The following MCTP2 variants were observed in gnomAD, a reference collection of about 807,000 sequenced individuals.
The protein encoded by MCTP2 is multiple C2 and transmembrane domain-containing protein 2.
Under a neutral mutation model 111.6 loss-of-function variants are expected in MCTP2, and 132 were observed. That is an observed-to-expected ratio of 1.18 (90% confidence interval 1.03 to 1.37). MCTP2 has a LOEUF of 1.37. MCTP2 is among the 40% of genes most tolerant of loss of function. MCTP2 has a pLI of 0.00. For missense variants in MCTP2, 1,183 were observed against 1,067.9 expected (o/e 1.11, Z -1.50); for synonymous variants, 395 against 387.7 (o/e 1.02, Z -0.22).
At chr15:94,353,310 G>A (rs973848962) in intron 8 of MCTP2, among the ~76,000 whole-genome samples, 8 of 152,158 alleles carry the variant, frequency 5.3e-5, no homozygotes, top group Admixed American at 2.0e-4. Flanking sequence ...CTCCAGCCAA[G>A]TCGCGCCTGC....
intron 4 of MCTP2, among the ~76,000 whole-genome samples, chr15:94,333,614 G>A (rs2077227339): frequency 1.3e-5 from 2 of 152,106 alleles, no homozygotes. Flanking sequence ...GGTGGTAAGA[G>A]TTCCTAAAAA....
chr15:94,334,117 C>T (rs936212993), intron 4 of MCTP2, among the ~76,000 whole-genome samples: 1 of 152,156 alleles, frequency 6.6e-6, no homozygotes, highest in Non-Finnish European at 1.5e-5. Flanking sequence ...AGTAGTGATA[C>T]TAAACATAGC....
At chr15:94,395,183 T>C (rs561681309) in intron 14 of MCTP2, among the ~76,000 whole-genome samples, 71 of 152,260 alleles carry the variant, frequency 4.7e-4, no homozygotes, top group Non-Finnish European at 9.3e-4. Flanking sequence ...TCACATTTTA[T>C]TGGAGAGCCA....
At chr15:94,263,500 C>T (rs1282479636) in intron 1 of MCTP2, among the ~76,000 whole-genome samples, 1 of 152,128 alleles carries the variant, frequency 6.6e-6, no homozygotes, top group Non-Finnish European at 1.5e-5. Flanking sequence ...AACTCATAGC[C>T]AACAGCATTA....
chr15:94,374,415 T>C (rs2079646800), intron 12 of MCTP2, among the ~76,000 whole-genome samples: 2 of 152,292 alleles, frequency 1.3e-5, no homozygotes, highest in South Asian at 4.2e-4. Flanking sequence ...AGCCTTATTA[T>C]AGTTGACAGT....
chr15:94,465,281 T>A (rs1353130983), intron 20 of MCTP2, among the ~76,000 whole-genome samples: 1 of 152,138 alleles, frequency 6.6e-6, no homozygotes. Context: ...CCATGGGGGA[T>A]ATGTTCTCAG....
Position 94,296,796 on chromosome 15 carries a change from T to C in MCTP2, c.-65-1405T>C, listed in dbSNP as rs576992251. Among the ~76,000 whole-genome samples, 3 of 152,298 alleles carry C rather than the reference T, an allele frequency of 2.0e-5. No individual in the cohort carries two copies. In the East Asian group the frequency reaches 5.8e-4, roughly 29 times the overall value. ...CAGAGTAAATCAGAATTGTAACCCA[T>C]GGAGTCTGTTTTGAGAGGCCAAGCT... On this transcript the variant is annotated intron_variant, in intron 1 of 22. Transcript: ENST00000357742.
intron 17 of MCTP2, among the ~76,000 whole-genome samples, chr15:94,436,398 T>C (rs1250140668): frequency 2.6e-5 from 4 of 152,238 alleles, no homozygotes; most frequent in African/African-American, 9.6e-5. Context: ...GGGTTTATAT[T>C]TGCTTTCCTT....
chr15:94,340,985 G>A (rs1401177903), intron 7 of MCTP2, 61 bp downstream of exon 7: 1 of 1,039,272 alleles, frequency 9.6e-7, no homozygotes. Context: ...ATGGCTCATT[G>A]CAATTGTCCC....
intron 21 of MCTP2, among the ~76,000 whole-genome samples, chr15:94,470,965 G>A (rs376511594): frequency 2.0e-5 from 3 of 152,186 alleles, no homozygotes; most frequent in East Asian, 3.8e-4. Context: ...TGAACAGAGA[G>A]GAAGTTATTA....
chr15:94,235,091 A>C (rs1303520775), intron 1 of MCTP2, among the ~76,000 whole-genome samples: 1 of 152,102 alleles, frequency 6.6e-6, no homozygotes, highest in African/African-American at 2.4e-5. Context: ...ATCTCTACTA[A>C]AAGTACAAAA....
In MCTP2 at chr15:94,321,407, C is replaced by T. The variant is rs532432634; in HGVS notation, c.637+5770C>T. 3.3e-5 allele frequency among the ~76,000 whole-genome samples: 5 copies of T among 152,194 alleles called. No homozygotes were observed. In the South Asian group the frequency reaches 8.3e-4, roughly 25 times the overall value. On this transcript the variant is annotated intron_variant, in intron 4 of 22. Coordinates refer to ENST00000357742, the MANE Select transcript of MCTP2 (RefSeq NM_001385001.1). The stretch of plus-strand genomic sequence containing the variant: ...TGCATGTATCAAAATATTACGTGTA[C>T]CCCATAAATATGTACTATTATTATT...
At chr15:94,446,548 G>T (rs2084127842) in intron 19 of MCTP2, among the ~76,000 whole-genome samples, 1 of 152,176 alleles carries the variant, frequency 6.6e-6, no homozygotes. Context: ...CTTAGGAAAG[G>T]TCAAGCAAGA....
At chr15:94,318,233 T>G (rs1230921066) in intron 4 of MCTP2, among the ~76,000 whole-genome samples, 1 of 152,038 alleles carries the variant, frequency 6.6e-6, no homozygotes, top group African/African-American at 2.4e-5. Flanking sequence ...TCAAGCTACA[T>G]GTCCTGTTTT....
chr15:94,374,500 AC>A (rs2079650672), intron 12 of MCTP2, among the ~76,000 whole-genome samples: 2 of 152,326 alleles, frequency 1.3e-5, no homozygotes, highest in South Asian at 4.1e-4. Flanking sequence ...CATCATGGCC[AC>A]CACTGGCATG....
chr15:94,243,695 ATGCG>A (rs1464280565), intron 1 of MCTP2, among the ~76,000 whole-genome samples: 4 of 141,702 alleles, frequency 2.8e-5, no homozygotes, highest in African/African-American at 1.1e-4. Flanking sequence ...ACACATACAT[ATGCG>A]TATATACACA....
In MCTP2 at chr15:94,330,140, A is replaced by G. The variant is rs1019534458; in HGVS notation, c.638-9150A>G. Among the ~76,000 whole-genome samples the G allele has an allele frequency of 2.6e-5, 4 of 152,324 alleles. No individual in the cohort carries two copies. In the South Asian group the frequency reaches 8.3e-4, roughly 32 times the overall value. ...ATTGCAAATGGCAGGATCTCCTTTT[A>G]TAAGGCTGAAAAGTATTCCTCATCC... On this transcript the variant is annotated intron_variant, in intron 4 of 22. Transcript: ENST00000357742.
In MCTP2 at chr15:94,347,766, A is replaced by T. The variant is rs2078061281; in HGVS notation, c.1005+2602A>T. 4.6e-5 allele frequency among the ~76,000 whole-genome samples: 7 copies of T among 152,302 alleles called. No homozygotes were observed. The South Asian group carries it at 1.0e-3, about 23-fold the overall frequency. ...AATTCGAGAGCTAAAAAATATTAAC[A>T]GTGGTTATTTACCTTACATCAAATA... is the stretch of plus-strand genomic sequence containing the variant. On this transcript the variant is annotated intron_variant, in intron 8 of 22. Transcript: ENST00000357742.
intron 17 of MCTP2, among the ~76,000 whole-genome samples, chr15:94,416,421 AAC>A (rs1209583580): frequency 2.0e-5 from 3 of 152,108 alleles, no homozygotes; most frequent in Non-Finnish European, 4.4e-5. Context: ...GGAGGGGGAA[AAC>A]ACATTTGAAT....
Sources: gnomAD v4.1 joint callset for allele counts (sites outside exome capture counted in the v4.1 genomes callset) on GRCh38, gnomAD v4.1.1 for gene constraint, MANE v1.5 for transcripts, NCBI Gene and HGNC (gene_info 2026-07-23, HGNC 2026-07-21) for gene names.